KIAA0232: variants seen among roughly 807,000 people sequenced by gnomAD.
KIAA0232 encodes KIAA0232.
A neutral mutation model predicts 122.0 loss-of-function variants in KIAA0232; 27 were observed. The observed-to-expected ratio is 0.22, with a 90% CI of 0.16 to 0.31. The LOEUF is 0.31. Among genes scored for constraint, KIAA0232 ranks in the 10% least tolerant of loss-of-function variants. KIAA0232 has a pLI of 1.00. For missense variants in KIAA0232, 1,551 were observed against 1,634.2 expected (o/e 0.95, Z 0.88); for synonymous variants, 613 against 587.6 (o/e 1.04, Z -0.63).
chr4:6,876,438 A>T (rs368478551), intron 8 of KIAA0232, among the ~76,000 whole-genome samples: 207 of 152,198 alleles, frequency 1.4e-3, no homozygotes, highest in African/African-American at 4.7e-3. Context: ...TTCTTTTTTT[A>T]ACTCACCAAA....
chr4:6,816,639 A>G (rs1431432933), intron 2 of KIAA0232, among the ~76,000 whole-genome samples: 1 of 152,100 alleles, frequency 6.6e-6, no homozygotes, highest in Non-Finnish European at 1.5e-5. Context: ...TCTTCATAAC[A>G]TGATTTGAGA....
chr4:6,864,530 G>A (rs1322353762), intron 7 of KIAA0232, among the ~76,000 whole-genome samples: 2 of 151,964 alleles, frequency 1.3e-5, no homozygotes, highest in African/African-American at 4.8e-5. Flanking sequence ...TTTGAGGTCA[G>A]GAGTTCAAGA....
At chr4:6,809,629 A>G (rs1373477474) in intron 2 of KIAA0232, among the ~76,000 whole-genome samples, 1 of 76,226 alleles carries the variant, frequency 1.3e-5, no homozygotes, top group African/African-American at 4.9e-5. Context: ...AGAAAAGAGG[A>G]GGTCAAATTA....
At chr4:6,790,508 C>A (rs558230930) in intron 1 of KIAA0232, among the ~76,000 whole-genome samples, 71 of 151,224 alleles carry the variant, frequency 4.7e-4, no homozygotes, top group African/African-American at 1.6e-3. Flanking sequence ...GATCCTCCTG[C>A]CTCAGCTGGG....
chr4:6,809,211 G>A (rs1717768938), intron 2 of KIAA0232, among the ~76,000 whole-genome samples: 1 of 152,184 alleles, frequency 6.6e-6, no homozygotes, highest in African/African-American at 2.4e-5. Context: ...CAGAATGCTG[G>A]TTTCAATAAT....
Position 6,799,883 on chromosome 4 carries a change from C to T in KIAA0232, c.-353-4640C>T, listed in dbSNP as rs532898026. ...CTAATTTTTGTATTTTTAGTGGAGA[C>T]GGGGTTTCACCATGTTGGCCAGGAT... On this transcript the variant is annotated intron_variant, in intron 1 of 9. Transcript: ENST00000307659. 6.9e-4 allele frequency among the ~76,000 whole-genome samples: 103 copies of T among 149,256 alleles called. 2 individuals are homozygous for T. The South Asian group carries it at 0.02, about 28-fold the overall frequency.
intron 8 of KIAA0232, among the ~76,000 whole-genome samples, chr4:6,875,957 G>C (rs952352056): frequency 2.6e-5 from 4 of 152,146 alleles, no homozygotes; most frequent in African/African-American, 9.7e-5. Flanking sequence ...AGTTCATTTG[G>C]AATCTCTGGC....
rs936904449 is a variant in KIAA0232 at position 6,797,643 on chromosome 4, A to G, written c.-353-6880A>G. Among the ~76,000 whole-genome samples the G allele has an allele frequency of 3.3e-5, 5 of 151,670 alleles. No homozygotes were observed. In the East Asian group the frequency reaches 9.7e-4, roughly 29 times the overall value. ...TAGCTGGGTGTAGTGGTGTATGCCC[A>G]TAGTCCCAGTTACCTGGGAGGCTGA... On this transcript the variant is annotated intron_variant, in intron 1 of 9. Coordinates refer to ENST00000307659, the MANE Select transcript of KIAA0232 (RefSeq NM_014743.3).
rs373516729 is a variant in KIAA0232 at position 6,863,646 on chromosome 4, G to A, written c.3264G>A (p.Arg1088=). 3.7e-6 allele frequency: 6 copies of A among 1,614,010 alleles called. No individual in the cohort carries two copies. The highest frequency in any genetic ancestry group is 2.2e-5 in the East Asian group (1 of 44,892). The change falls in exon 7 of 10, where the codon AGG becomes AGA. Residue 1088 remains arginine (R), a synonymous_variant. Coordinates refer to ENST00000307659, the MANE Select transcript of KIAA0232 (RefSeq NM_014743.3). ...SDSDSEVFHP[R]ICGVDRTQYR... is the part of the protein sequence containing the mutation. ...CAGACAGTGAAGTGTTTCACCCCAG[G>A]ATATGTGGTGTTGACAGAACACAAT...
intron 2 of KIAA0232, among the ~76,000 whole-genome samples, chr4:6,823,673 T>C: frequency 6.6e-6 from 1 of 152,062 alleles, no homozygotes. Flanking sequence ...TTATTAGTTG[T>C]TTTTCAGCAT....
chr4:6,811,629 G>C (rs1286114648), intron 2 of KIAA0232, among the ~76,000 whole-genome samples: 1 of 151,966 alleles, frequency 6.6e-6, no homozygotes, highest in Non-Finnish European at 1.5e-5. Context: ...TTTTTTGGTA[G>C]AGATGGGGTC....
intron 1 of KIAA0232, among the ~76,000 whole-genome samples, chr4:6,794,808 T>C (rs1477715393): frequency 6.6e-6 from 1 of 152,048 alleles, no homozygotes; most frequent in Non-Finnish European, 1.5e-5. Flanking sequence ...TTGACTGACA[T>C]GGGGAAGGTC....
At chr4:6,851,734 A>AAG (rs1720298459) in intron 4 of KIAA0232, among the ~76,000 whole-genome samples, 1 of 151,418 alleles carries the variant, frequency 6.6e-6, no homozygotes, top group Non-Finnish European at 1.5e-5. Flanking sequence ...AAAAAAAAAA[A>AAG]AAAAAAAAGC....
rs567667695 is a variant in KIAA0232, at chr4:6,839,622, G to A, written c.232-2445G>A. 1.1e-4 allele frequency among the ~76,000 whole-genome samples: 17 copies of A among 152,308 alleles called. No individual in the cohort carries two copies. In the South Asian group the frequency reaches 2.9e-3, roughly 26 times the overall value. On this transcript the variant is annotated intron_variant, in intron 3 of 9. Coordinates refer to ENST00000307659, the MANE Select transcript of KIAA0232 (RefSeq NM_014743.3). ...GTGTACAAAGACACAGAAATAGGAG[G>A]GGCCTGATGCTGTAAGGTCAGAAAA...
intron 2 of KIAA0232, among the ~76,000 whole-genome samples, chr4:6,816,313 C>T (rs182385175): frequency 1.3e-5 from 2 of 148,650 alleles, no homozygotes; most frequent in East Asian, 2.0e-4. Context: ...GACGGAGCCT[C>T]GCTCTGTTGC....
At position 6,864,174 on chromosome 4, in the gene KIAA0232, G is replaced by C. The variant is rs978648373; in HGVS notation, c.3792G>C (p.Gln1264His). Residue 1264 changes from glutamine (Q) to histidine (H), a missense_variant, in exon 7 of 10, where the codon CAG becomes CAC. Transcript: ENST00000307659. ...AYEDNPVSSG[Q>H]LEEFPVLNTD... is the part of the protein sequence containing the mutation. ...AAGATAATCCAGTTTCTTCGGGACA[G>C]CTGGAAGAGGTATGTGTCTGCGTGT... is the stretch of plus-strand genomic sequence containing the variant. 2.5e-6 allele frequency: 4 copies of C among 1,610,058 alleles called. No homozygotes were observed. The highest frequency in any genetic ancestry group is 3.4e-6 in the Non-Finnish European group (4 of 1,177,710).
At chr4:6,833,224 A>G (rs1719088193) in intron 3 of KIAA0232, among the ~76,000 whole-genome samples, 1 of 152,240 alleles carries the variant, frequency 6.6e-6, no homozygotes. Flanking sequence ...TTCAACAAAC[A>G]TTCAACAGAC....
At position 6,863,121 on chromosome 4, in the gene KIAA0232, A is replaced by G; in HGVS notation, c.2739A>G (p.Thr913=). ...ACGTGGATGGTGGTGATTATACAACACCCTCTAAACCCTGGGATGTAGCCC... is the reference window on the plus strand; with the variant it reads ...ACGTGGATGGTGGTGATTATACAACGCCCTCTAAACCCTGGGATGTAGCCC... ...LSNVDGGDYT[T]PSKPWDVAQD... Residue 913 remains threonine (T), a synonymous_variant, in exon 7 of 10, where the codon ACA becomes ACG. Coordinates refer to ENST00000307659, the MANE Select transcript of KIAA0232 (RefSeq NM_014743.3). 2 of 1,614,126 alleles carry G rather than the reference A, an allele frequency of 1.2e-6. No homozygotes were observed. Among genetic ancestry groups the G allele is most frequent in the Non-Finnish European group, 1.7e-6 (2 of 1,180,018 alleles).
intron 4 of KIAA0232, among the ~76,000 whole-genome samples, chr4:6,848,127 A>G (rs1395891312): frequency 2.6e-5 from 4 of 152,258 alleles, no homozygotes. Flanking sequence ...TAGAGGACTT[A>G]CACCCTAAGT....
Sources: allele counts gnomAD v4.1 joint callset (sites outside exome capture counted in the v4.1 genomes callset), GRCh38; gene constraint gnomAD v4.1.1; transcripts MANE v1.5; gene names NCBI Gene and HGNC (gene_info 2026-07-23, HGNC 2026-07-21).